Variants in OMA1 observed in about 807,000 individuals in gnomAD.
OMA1 encodes the protein metalloendopeptidase OMA1, mitochondrial.
Under a neutral mutation model 30.9 loss-of-function variants are expected in OMA1, and 38 were observed. The ratio of observed to expected loss-of-function variants is 1.23; its 90% CI spans 0.95 to 1.61. The LOEUF (loss-of-function observed/expected upper bound fraction) is 1.61, where lower values mean the gene tolerates loss of function less well. OMA1 is among the 40% of genes most tolerant of loss of function. OMA1 has a pLI of 0.00. For missense variants in OMA1, 461 were observed against 349.2 expected, an observed-to-expected ratio of 1.32 and a Z score of -2.55; for synonymous variants, 173 against 121.9, an observed-to-expected ratio of 1.42 and a Z score of -2.76.
chr1:58,492,336 A>C (rs1267378418), intron 8 of OMA1, among the ~76,000 whole-genome samples: 2 of 152,220 alleles, frequency 1.3e-5, no homozygotes, highest in African/African-American at 2.4e-5. Flanking sequence ...TTGACACCCT[A>C]ACATCACAAT....
At chr1:58,490,530 C>G (rs1200316959) in intron 8 of OMA1, among the ~76,000 whole-genome samples, 1 of 152,138 alleles carries the variant, frequency 6.6e-6, no homozygotes, top group Non-Finnish European at 1.5e-5. Flanking sequence ...AGGATATTAT[C>G]CAAGAGAACT....
At chr1:58,499,076 T>G (rs979941716) in intron 8 of OMA1, among the ~76,000 whole-genome samples, 1 of 152,088 alleles carries the variant, frequency 6.6e-6, no homozygotes, top group African/African-American at 2.4e-5. Context: ...ATCCTACCAT[T>G]TGTAACAGTA....
chr1:58,502,118 C>T (rs1645916839), intron 8 of OMA1, among the ~76,000 whole-genome samples: 1 of 152,104 alleles, frequency 6.6e-6, no homozygotes, highest in African/African-American at 2.4e-5. Flanking sequence ...TGATAAGCTA[C>T]AGTAAGAAAC....
chr1:58,506,038 G>A (rs770776805), intron 8 of OMA1, 22 bp downstream of exon 8: 17 of 834,514 alleles, frequency 2.0e-5, no homozygotes, highest in South Asian at 7.1e-5. Context: ...ATAATGTCCC[G>A]CCTTCTACGG....
intron 2 of OMA1, among the ~76,000 whole-genome samples, 172 bp from the exon 3 acceptor site, chr1:58,536,913 A>G (rs1312399708): frequency 6.6e-6 from 1 of 152,218 alleles, no homozygotes; most frequent in Non-Finnish European, 1.5e-5. Context: ...TGATGAAAAA[A>G]TAATCAATGA....
chr1:58,490,880 A>G (rs1161722593), intron 8 of OMA1, among the ~76,000 whole-genome samples: 1 of 132,284 alleles, frequency 7.6e-6, no homozygotes, highest in African/African-American at 2.9e-5. Flanking sequence ...ATCTCGGCTC[A>G]CAGCAAGCTC....
chr1:58,496,679 A>G (rs1233537803), intron 8 of OMA1, among the ~76,000 whole-genome samples: 6 of 151,666 alleles, frequency 4.0e-5, no homozygotes, highest in African/African-American at 1.5e-4. Flanking sequence ...TTTCCTTTCA[A>G]CTCTGTTTTT....
intron 8 of OMA1, among the ~76,000 whole-genome samples, chr1:58,503,015 A>G (rs1299141011): frequency 6.6e-6 from 1 of 152,166 alleles, no homozygotes; most frequent in Non-Finnish European, 1.5e-5. Flanking sequence ...TAATCAATTC[A>G]TTATTATTTT....
rs75129043 is a variant in OMA1 at position 58,534,181 on chromosome 1, T to C, written c.880A>G (p.Ile294Val). Reference protein sequence around the residue: ...NWVIHVVDSPIINAFVLPNGQ... With the variant: ...NWVIHVVDSPVINAFVLPNGQ... ...ACTGGAAGCACGAAGGCATTAATAA[T>C]TGGGGAATCAACCACATGAATAACC... Residue 294 changes from isoleucine to valine, a missense_variant, in exon 4 of 9, where the codon ATT becomes GTT. Ile to Val is a conservative substitution (Grantham distance 29). Transcript: ENST00000371226. The C allele has an allele frequency of 1.9e-3, 1,695 of 871,604 alleles. 18 individuals are homozygous for C. The East Asian group carries it at 0.02, about 10-fold the overall frequency. 54.0% of individuals were successfully genotyped at this position (871,604 alleles called of 1,614,324 possible).
At chr1:58,495,424 A>T (rs1645783115) in intron 8 of OMA1, among the ~76,000 whole-genome samples, 1 of 152,170 alleles carries the variant, frequency 6.6e-6, no homozygotes, top group Non-Finnish European at 1.5e-5. Context: ...TATAATAATA[A>T]TAATAATACA....
chr1:58,501,251 T>A (rs1645902303), intron 8 of OMA1, among the ~76,000 whole-genome samples: 1 of 152,136 alleles, frequency 6.6e-6, no homozygotes. Flanking sequence ...AAAGCAAAGG[T>A]TTGCTTTTTT....
intron 7 of OMA1, among the ~76,000 whole-genome samples, chr1:58,512,289 T>C (rs182384022): frequency 1.6e-3 from 251 of 152,308 alleles, no homozygotes; most frequent in Non-Finnish European, 2.7e-3. Context: ...GGAACTCTTG[T>C]ACACTGTCAG....
chr1:58,491,709 A>T (rs1022133136), intron 8 of OMA1, among the ~76,000 whole-genome samples: 1 of 152,230 alleles, frequency 6.6e-6, no homozygotes, highest in Non-Finnish European at 1.5e-5. Flanking sequence ...CAACAAGAAG[A>T]GCTAACTATC....
intron 8 of OMA1, among the ~76,000 whole-genome samples, chr1:58,501,255 C>CT (rs1645902447): frequency 6.6e-6 from 1 of 152,030 alleles, no homozygotes; most frequent in Non-Finnish European, 1.5e-5. Flanking sequence ...CAAAGGTTTG[C>CT]TTTTTTTTCT....
chr1:58,491,305 A>C (rs1158882676), intron 8 of OMA1, among the ~76,000 whole-genome samples: 1 of 152,208 alleles, frequency 6.6e-6, no homozygotes, highest in African/African-American at 2.4e-5. Flanking sequence ...AGCCGCAGCA[A>C]AAACATGCCA....
In OMA1 at chr1:58,538,814, A is replaced by C. The variant is rs747467736; in HGVS notation, c.481T>G (p.Phe161Val). The part of the protein sequence containing the change: ...LMILKPVQKL[F>V]AIIVGRGIRK... ...TTTTACCTGCCTACAATGATTGCAAATAACTTCTGTACTGGTTTAAGAATC... is the reference window on the plus strand; with the variant it reads ...TTTTACCTGCCTACAATGATTGCAACTAACTTCTGTACTGGTTTAAGAATC... The change falls in exon 2 of 9, where the codon TTT becomes GTT. Residue 161 changes from phenylalanine (F) to valine (V), a missense_variant. Phe to Val is a conservative substitution (Grantham distance 50). Coordinates refer to ENST00000371226, the MANE Select transcript of OMA1 (RefSeq NM_145243.5). The C allele has an allele frequency of 1.2e-6, 1 of 817,770 alleles. No homozygotes were observed. The highest frequency in any genetic ancestry group is 2.1e-6 in the Non-Finnish European group (1 of 480,620). The allele number at this position is 817,770 out of a possible 1,614,324, so 50.7% of individuals were successfully genotyped here.
intron 8 of OMA1, among the ~76,000 whole-genome samples, chr1:58,493,522 C>T (rs1431856075): frequency 4.4e-4 from 66 of 151,362 alleles, no homozygotes; most frequent in East Asian, 1.5e-3. Flanking sequence ...AAAACCCCAT[C>T]GTCTCAGCCC....
intron 1 of OMA1, among the ~76,000 whole-genome samples, chr1:58,544,814 G>A (rs186246264): frequency 3.6e-4 from 55 of 152,234 alleles, no homozygotes; most frequent in Admixed American, 1.3e-3. Flanking sequence ...GGCTAGTCTC[G>A]AACTCCTGGC....
rs186557104 is a variant in OMA1 at position 58,536,264 on chromosome 1, G to C, written c.729+249C>G. Among the ~76,000 whole-genome samples, 699 of 152,208 alleles carry C rather than the reference G, an allele frequency of 4.6e-3. 3 individuals carry two copies. The highest frequency in any genetic ancestry group is 7.1e-3 in the Non-Finnish European group (484 of 67,990). On this transcript the variant is annotated intron_variant, in intron 3 of 8. Transcript: ENST00000371226. ...AACCCAGTCTGGATAATCAAGGAAG[G>C]TTTTCCTGAGAAAAGTGACATTTAA... is the stretch of plus-strand genomic sequence containing the variant.
Sources: gnomAD v4.1 joint callset for allele counts (sites outside exome capture counted in the v4.1 genomes callset) on GRCh38, gnomAD v4.1.1 for gene constraint, MANE v1.5 for transcripts, NCBI Gene and HGNC (gene_info 2026-07-23, HGNC 2026-07-21) for gene names.